IL21R: variants seen among roughly 807,000 people sequenced by gnomAD.
IL21R encodes interleukin-21 receptor.
IL21R carries 14 observed loss-of-function variants against 41.3 expected under a neutral mutation model. The ratio of observed to expected loss-of-function variants is 0.34; its 90% confidence interval spans 0.22 to 0.53. The LOEUF is 0.53. Among genes scored for constraint, IL21R ranks in the 20% least tolerant of loss-of-function variants. The probability of loss-of-function intolerance (pLI) is 0.94; values close to 1 mark genes in which losing one functional copy is unlikely to be tolerated. For synonymous variants in IL21R, 286 were observed against 287.6 expected, an observed-to-expected ratio of 0.99 and a Z score of 0.05; for missense variants, 588 against 681.6, an observed-to-expected ratio of 0.86 and a Z score of 1.53.
intron 1 of IL21R, among the ~76,000 whole-genome samples, chr16:27,414,931 A>C (rs2086875724): frequency 6.6e-6 from 1 of 152,226 alleles, no homozygotes; most frequent in African/African-American, 2.4e-5. Context: ...ACTAAGAAGG[A>C]TAAGGCGTCT....
chr16:27,425,299 C>A (rs1303922482), intron 1 of IL21R, among the ~76,000 whole-genome samples: 1 of 152,146 alleles, frequency 6.6e-6, no homozygotes, highest in Non-Finnish European at 1.5e-5. Flanking sequence ...GGATTCGGGG[C>A]AGAGAAGGCA....
chr16:27,435,548 G>T (rs1457980756), intron 3 of IL21R, among the ~76,000 whole-genome samples: 2 of 151,674 alleles, frequency 1.3e-5, no homozygotes, highest in African/African-American at 4.8e-5. Flanking sequence ...TGACCTCCTG[G>T]GCTCAAGCAA....
intron 1 of IL21R, among the ~76,000 whole-genome samples, chr16:27,406,725 C>G (rs2086754589): frequency 6.6e-6 from 1 of 152,136 alleles, no homozygotes; most frequent in African/African-American, 2.4e-5. Flanking sequence ...ACACTAACCA[C>G]ACACCTAATA....
In IL21R at chr16:27,430,097, T is replaced by G; in HGVS notation, c.26T>G (p.Leu9Trp). MPRGWAAP[L>W]LLLLLQGGWG... is the part of the protein sequence containing the mutation. Reference sequence around the variant, plus strand: ...ATGCCGCGTGGCTGGGCCGCCCCCTTGCTCCTGCTGCTGCTCCAGGGAGGT... The same window carrying G: ...ATGCCGCGTGGCTGGGCCGCCCCCTGGCTCCTGCTGCTGCTCCAGGGAGGT... Residue 9 changes from leucine (L) to tryptophan (W), a missense_variant, in exon 2 of 9, where the codon TTG (leucine) becomes TGG (tryptophan). Transcript: ENST00000337929. The G allele has an allele frequency of 3.1e-6, 5 of 1,605,164 alleles. No homozygotes were observed. Among genetic ancestry groups the G allele is most frequent in the Non-Finnish European group, 4.2e-6 (5 of 1,179,808 alleles).
chr16:27,430,366 T>C (rs1040541020), intron 2 of IL21R, among the ~76,000 whole-genome samples: 5 of 152,226 alleles, frequency 3.3e-5, no homozygotes, highest in Admixed American at 3.3e-4. Context: ...GCCCACAGGC[T>C]TGTGTCTTCG....
In IL21R at chr16:27,437,704, C is replaced by G; in HGVS notation, c.352+17C>G. ...CTGAGAGCAGTGAGTATCCTGGGAC[C>G]CCAGGCTTAGGGTGGCACTCAATCT... is the stretch of plus-strand genomic sequence containing the variant. On this transcript the variant is annotated intron_variant, in intron 4 of 8. Transcript: ENST00000337929. The G allele has an allele frequency of 1.2e-6, 2 of 1,608,886 alleles. No homozygotes were observed. Among genetic ancestry groups the G allele is most frequent in the South Asian group, 1.1e-5 (1 of 90,736 alleles).
intron 1 of IL21R, among the ~76,000 whole-genome samples, chr16:27,427,521 G>A (rs556076399): frequency 2.6e-4 from 39 of 152,162 alleles, no homozygotes; most frequent in African/African-American, 7.2e-4. Flanking sequence ...TCAGTCTCCC[G>A]AATAGCTGGG....
At chr16:27,411,398 G>A (rs2086819191) in intron 1 of IL21R, among the ~76,000 whole-genome samples, 1 of 147,046 alleles carries the variant, frequency 6.8e-6, no homozygotes, top group South Asian at 2.1e-4. Context: ...CTTTTCGTAT[G>A]CTTAATGGGC....
chr16:27,436,556 AGT>A (rs1287050592), intron 3 of IL21R, among the ~76,000 whole-genome samples: 2 of 152,184 alleles, frequency 1.3e-5, no homozygotes, highest in Non-Finnish European at 2.9e-5. Flanking sequence ...GGGCCTAGAG[AGT>A]GGTCATGTTC....
At chr16:27,421,531 C>T (rs971629683) in intron 1 of IL21R, among the ~76,000 whole-genome samples, 1 of 152,014 alleles carries the variant, frequency 6.6e-6, no homozygotes, top group Non-Finnish European at 1.5e-5. Context: ...AAGTCTCACA[C>T]TAATAAACAA....
At chr16:27,418,617 G>C (rs940380388) in intron 1 of IL21R, among the ~76,000 whole-genome samples, 1 of 152,058 alleles carries the variant, frequency 6.6e-6, no homozygotes, top group Non-Finnish European at 1.5e-5. Flanking sequence ...TGATCTGCCC[G>C]CCTTGGCCTC....
At position 27,448,873 on chromosome 16, in the gene IL21R, G is replaced by A; in HGVS notation, c.1207G>A (p.Asp403Asn). The part of the protein sequence containing the change: ...SCEDDGYPAL[D>N]LDAGLEPSPG... ...TGAGGATGACGGCTACCCAGCCCTGGACCTGGATGCTGGCCTGGAGCCCAG... is the reference window on the plus strand; with the variant it reads ...TGAGGATGACGGCTACCCAGCCCTGAACCTGGATGCTGGCCTGGAGCCCAG... Residue 403 changes from aspartate to asparagine, a missense_variant, in exon 9 of 9, where the codon GAC becomes AAC. Asp to Asn is a conservative substitution (Grantham distance 23). Coordinates refer to ENST00000337929, the MANE Select transcript of IL21R (RefSeq NM_181078.3). 1.9e-6 allele frequency: 3 copies of A among 1,612,556 alleles called. No homozygotes were observed. The highest frequency in any genetic ancestry group is 2.5e-6 in the Non-Finnish European group (3 of 1,179,648).
intron 2 of IL21R, among the ~76,000 whole-genome samples, chr16:27,432,752 G>A (rs2087196573): frequency 6.6e-6 from 1 of 152,264 alleles, no homozygotes; most frequent in African/African-American, 2.4e-5. Context: ...TCTCCCTGAG[G>A]AAAGCCCCCT....
chr16:27,425,910 C>T (rs1380850812), intron 1 of IL21R, among the ~76,000 whole-genome samples: 1 of 152,194 alleles, frequency 6.6e-6, no homozygotes, highest in Non-Finnish European at 1.5e-5. Flanking sequence ...CTAGGACTCT[C>T]AGGCAGGCAG....
intron 4 of IL21R, among the ~76,000 whole-genome samples, chr16:27,440,651 AG>A (rs1316426024): frequency 6.6e-6 from 1 of 152,176 alleles, no homozygotes; most frequent in Non-Finnish European, 1.5e-5. Flanking sequence ...CTGAACCTGG[AG>A]GACAAAACCT....
chr16:27,403,267 G>A (rs555214634), intron 1 of IL21R: 2 of 1,319,380 alleles, frequency 1.5e-6, no homozygotes, highest in African/African-American at 1.5e-5. Context: ...AGAGGAGGGT[G>A]GGGAGGTCAG....
At chr16:27,423,015 T>A (rs957812475) in intron 1 of IL21R, among the ~76,000 whole-genome samples, 11 of 152,192 alleles carry the variant, frequency 7.2e-5, no homozygotes, top group African/African-American at 2.7e-4. Flanking sequence ...ATCTTTTTTT[T>A]GCCAGGCCCT....
At chr16:27,415,407 A>G (rs1402623978) in intron 1 of IL21R, among the ~76,000 whole-genome samples, 1 of 152,222 alleles carries the variant, frequency 6.6e-6, no homozygotes, top group African/African-American at 2.4e-5. Context: ...AGTGGCTCCA[A>G]AGAGGTAGAC....
In IL21R at chr16:27,439,361, T is replaced by TACACAC. The variant is rs145409668; in HGVS notation, c.352+1691_352+1696dup. 2.9e-5 allele frequency among the ~76,000 whole-genome samples: 4 copies of TACACAC among 139,262 alleles called. No individual in the cohort carries two copies. In the South Asian group the frequency reaches 6.5e-4, roughly 23 times the overall value. The allele number at this position is 139,262 out of a possible 152,430, so 91.4% of individuals were successfully genotyped here. On this transcript the variant is annotated intron_variant, in intron 4 of 8. Coordinates refer to ENST00000337929, the MANE Select transcript of IL21R (RefSeq NM_181078.3). Reference sequence around the variant, plus strand: ...ACTCTCATACACACTCACACATACATACACACACACACACACACACACGTA... The same window carrying TACACAC: ...ACTCTCATACACACTCACACATACATACACACACACACACACACACACACACACGTA...
Sources: allele counts gnomAD v4.1 joint callset (sites outside exome capture counted in the v4.1 genomes callset), GRCh38; gene constraint gnomAD v4.1.1; transcripts MANE v1.5; gene names NCBI Gene and HGNC (gene_info 2026-07-23, HGNC 2026-07-21).